The following THAP5 variants were observed in gnomAD, a reference collection of about 807,000 sequenced individuals.
THAP5 encodes THAP domain-containing protein 5.
A neutral mutation model predicts 34.0 loss-of-function variants in THAP5; 26 were observed. That is an observed-to-expected ratio of 0.77 (90% CI 0.56 to 1.06). The LOEUF is 1.06. Ranked by LOEUF, THAP5 falls within the 50% of genes least tolerant of loss-of-function variation. The pLI, the probability that THAP5 is intolerant of heterozygous loss-of-function variation, is 0.00. For missense variants in THAP5, 394 were observed against 452.8 expected, an observed-to-expected ratio of 0.87 and a Z score of 1.18; for synonymous variants, 125 against 153.0, an observed-to-expected ratio of 0.82 and a Z score of 1.35.
chr7:108,550,022 A>G (rs946781501), downstream of THAP5, among the ~76,000 whole-genome samples: 1 of 152,146 alleles, frequency 6.6e-6, no homozygotes. Flanking sequence ...ATAATAAACT[A>G]TCATCTAGGC....
At chr7:108,553,199 G>A (rs1864364595), downstream of THAP5, among the ~76,000 whole-genome samples, 2 of 152,054 alleles carry the variant, frequency 1.3e-5, no homozygotes, top group South Asian at 4.1e-4. Context: ...GGCCCTCGAT[G>A]CTGCTCTCTT....
At chr7:108,542,204 T>G in the THAP5 span, among the ~76,000 whole-genome samples, 1 of 152,180 alleles carries the variant, frequency 6.6e-6, no homozygotes, top group African/African-American at 2.4e-5. Flanking sequence ...AGATATATAT[T>G]ATGTAGCATG....
chr7:108,551,472 T>A (rs752558113), downstream of THAP5, among the ~76,000 whole-genome samples: 8 of 152,254 alleles, frequency 5.3e-5, no homozygotes, highest in Non-Finnish European at 1.2e-4. Flanking sequence ...CATCAAATGC[T>A]GGCGCCTTAA....
downstream of THAP5, among the ~76,000 whole-genome samples, chr7:108,551,880 T>C (rs1864355716): frequency 6.6e-6 from 1 of 152,236 alleles, no homozygotes; most frequent in Non-Finnish European, 1.5e-5. Flanking sequence ...GAATCACTGT[T>C]GCAGAGTGGC....
At chr7:108,557,503 A>T (rs1599007772), downstream of THAP5, among the ~76,000 whole-genome samples, 1 of 152,220 alleles carries the variant, frequency 6.6e-6, no homozygotes, top group Admixed American at 6.5e-5. Context: ...TTGACTTCAA[A>T]GGTCGACAGA....
downstream of THAP5, among the ~76,000 whole-genome samples, chr7:108,558,222 T>G (rs1056429728): frequency 9.2e-5 from 14 of 151,856 alleles, no homozygotes; most frequent in African/African-American, 3.4e-4. Context: ...ATGCCTAAAA[T>G]GAGAATCATA....
chr7:108,550,569 C>A (rs965479175), downstream of THAP5, among the ~76,000 whole-genome samples: 10 of 152,148 alleles, frequency 6.6e-5, no homozygotes, highest in African/African-American at 2.4e-4. Flanking sequence ...AATAGGACAG[C>A]CTGTGTGGCT....
At chr7:108,568,875 TA>T (rs1384358817) in intron 1 of THAP5, among the ~76,000 whole-genome samples, 2 of 152,186 alleles carry the variant, frequency 1.3e-5, no homozygotes, top group Non-Finnish European at 2.9e-5. Context: ...TACTTCTGAA[TA>T]AAAATCAGTG....
Position 108,564,132 on chromosome 7 carries a change from T to C in THAP5, c.*59A>G. ...TACAGGAAACAGTTCACTTTACATGTAGTTTGGTTTGGCTGGAAAAAGCTT... is the reference window on the plus strand; with the variant it reads ...TACAGGAAACAGTTCACTTTACATGCAGTTTGGTTTGGCTGGAAAAAGCTT... On this transcript the variant is annotated 3_prime_UTR_variant, in exon 3 of 3. Coordinates refer to ENST00000415914, the MANE Select transcript of THAP5 (RefSeq NM_001130475.3). The C allele has an allele frequency of 2.3e-6, 3 of 1,326,598 alleles. No individual in the cohort carries two copies. Among genetic ancestry groups the C allele is most frequent in the South Asian group, 1.5e-5 (1 of 67,472 alleles). The allele number at this position is 1,326,598 out of a possible 1,614,324, so 82.2% of individuals were successfully genotyped here. A position where few individuals can be genotyped will look rare whatever the true frequency, so the allele number is the denominator to read the frequency against.
At chr7:108,565,358 G>A in intron 2 of THAP5, 1 of 272,762 alleles carries the variant, frequency 3.7e-6, no homozygotes, top group South Asian at 9.7e-5. Flanking sequence ...ACTGAGGTCA[G>A]GAGTTCAAGA....
chr7:108,559,990 T>C (rs1864414945), downstream of THAP5, among the ~76,000 whole-genome samples: 1 of 152,260 alleles, frequency 6.6e-6, no homozygotes, highest in Non-Finnish European at 1.5e-5. Flanking sequence ...ACTTTAAATA[T>C]TTATAGTTTG....
At chr7:108,550,308 CTGTTTA>C (rs577999464), downstream of THAP5, among the ~76,000 whole-genome samples, 1 of 152,054 alleles carries the variant, frequency 6.6e-6, no homozygotes, top group Non-Finnish European at 1.5e-5. Flanking sequence ...GTAAAATCTT[CTGTTTA>C]TATTTATAGC....
At chr7:108,544,786 T>A in the THAP5 span, among the ~76,000 whole-genome samples, 1 of 152,062 alleles carries the variant, frequency 6.6e-6, no homozygotes, top group African/African-American at 2.4e-5. Context: ...GCCTCCTGAA[T>A]AACTGGGGCT....
the THAP5 span, among the ~76,000 whole-genome samples, chr7:108,548,124 T>C: frequency 6.6e-6 from 1 of 152,194 alleles, no homozygotes; most frequent in East Asian, 1.9e-4. Context: ...TACACTACAA[T>C]TCAAGTTAAT....
chr7:108,549,923 C>T (rs1864343293), downstream of THAP5, among the ~76,000 whole-genome samples: 1 of 152,126 alleles, frequency 6.6e-6, no homozygotes, highest in Non-Finnish European at 1.5e-5. Context: ...TGTATTGGGG[C>T]CCTTCCTTCA....
downstream of THAP5, among the ~76,000 whole-genome samples, chr7:108,557,415 G>A (rs899441955): frequency 6.6e-6 from 1 of 152,182 alleles, no homozygotes; most frequent in Admixed American, 6.5e-5. Context: ...AGTATATGCT[G>A]TTAGAAGCAG....
At chr7:108,561,886 G>A (rs1864435216), downstream of THAP5, among the ~76,000 whole-genome samples, 2 of 152,196 alleles carry the variant, frequency 1.3e-5, no homozygotes, top group African/African-American at 2.4e-5. Context: ...ATAGGCAACA[G>A]AGCAATGTTG....
In THAP5 at chr7:108,567,367, C is replaced by T. The variant is rs527800121; in HGVS notation, c.81-1345G>A. 5.9e-5 allele frequency among the ~76,000 whole-genome samples: 9 copies of T among 152,216 alleles called. 1 individual carries two copies. The South Asian group carries it at 1.9e-3, about 32-fold the overall frequency. On this transcript the variant is annotated intron_variant, in intron 1 of 2. Transcript: ENST00000415914. ...GGTAAATTCATTTCTTTTGTTACAA[C>T]TGAAATGAGAATAGGCCTTTTACAA...
chr7:108,554,070 T>G (rs1864370528), downstream of THAP5, among the ~76,000 whole-genome samples: 1 of 152,176 alleles, frequency 6.6e-6, no homozygotes, highest in African/African-American at 2.4e-5. Flanking sequence ...CCCCTAACTT[T>G]CCCTCTCTTT....
Sources: allele counts gnomAD v4.1 joint callset (sites outside exome capture counted in the v4.1 genomes callset), GRCh38; gene constraint gnomAD v4.1.1; transcripts MANE v1.5; gene names NCBI Gene and HGNC (gene_info 2026-07-23, HGNC 2026-07-21).